Variants in FAIM2 observed in about 807,000 individuals in gnomAD.
FAIM2 encodes the protein protein lifeguard 2.
A neutral mutation model predicts 47.4 loss-of-function variants in FAIM2; 27 were observed. The ratio of observed to expected loss-of-function variants is 0.57; its 90% CI spans 0.42 to 0.78. The LOEUF (loss-of-function observed/expected upper bound fraction) is 0.78. Ranked by LOEUF, FAIM2 falls within the 30% of genes least tolerant of loss-of-function variation. The probability of loss-of-function intolerance (pLI) is 0.00; values close to 1 mark genes in which losing one functional copy is unlikely to be tolerated. For synonymous variants in FAIM2, 156 were observed against 159.3 expected, an observed-to-expected ratio of 0.98 and a Z score of 0.16; for missense variants, 311 against 389.4, an observed-to-expected ratio of 0.80 and a Z score of 1.69.
At position 49,889,559 on chromosome 12, in the gene FAIM2, G is replaced by A. The variant is rs750572780; in HGVS notation, c.573C>T (p.Asn191=). ...YLTGMLSSYY[N]TTSVLLCLGI... ...CCAGGCACAGCAGCACGGAGGTGGT[G>A]TTGTAGTAGCTGAGGACCGTCAGGC... The change falls in exon 9 of 12, where the codon AAC becomes AAT. Residue 191 remains asparagine, a synonymous_variant. Transcript: ENST00000320634. 6.8e-6 allele frequency: 11 copies of A among 1,613,916 alleles called. No individual in the cohort carries two copies. In the Admixed American group the frequency reaches 1.5e-4, roughly 22 times the overall value.
intron 11 of FAIM2, among the ~76,000 whole-genome samples, chr12:49,881,315 C>G (rs1946824247): frequency 6.6e-6 from 1 of 152,220 alleles, no homozygotes; most frequent in Non-Finnish European, 1.5e-5. Context: ...CAGTGGCTCC[C>G]AAGGTCCTCA....
intron 10 of FAIM2, 106 bp from the exon 11 acceptor site, chr12:49,887,545 C>A: frequency 2.1e-6 from 2 of 966,508 alleles, no homozygotes. Context: ...GGTAGCCCTG[C>A]CCAGAGCTCC....
chr12:49,903,055 C>G (rs1453592970), intron 1 of FAIM2: 1 of 152,220 alleles, frequency 6.6e-6, no homozygotes, highest in Non-Finnish European at 1.5e-5. Flanking sequence ...CGAGTACCCT[C>G]CCCCTTAGCC....
intron 11 of FAIM2, among the ~76,000 whole-genome samples, chr12:49,879,836 ATG>A (rs142038397): frequency 0.031 from 4,658 of 150,372 alleles, 86 homozygotes; most frequent in Middle Eastern, 0.063. Context: ...ATGTGCGTGC[ATG>A]TGTGAGTGTA....
intron 11 of FAIM2, among the ~76,000 whole-genome samples, chr12:49,872,774 C>A (rs1312203557): frequency 1.3e-5 from 2 of 152,184 alleles, no homozygotes; most frequent in African/African-American, 4.8e-5. Context: ...AGGACCTGGG[C>A]AGAGCATTTA....
rs113534663 is a variant in FAIM2, at chr12:49,870,265, G to A, written c.*239C>T. Reference sequence around the variant, plus strand: ...GGAGCCTTCAGCCTTGACCGTCCCAGTTTGGAAGATGTAACGGGCGAATGG... The same window carrying A: ...GGAGCCTTCAGCCTTGACCGTCCCAATTTGGAAGATGTAACGGGCGAATGG... On this transcript the variant is annotated 3_prime_UTR_variant, in exon 12 of 12. Transcript: ENST00000320634. 8.6e-4 allele frequency: 372 copies of A among 432,528 alleles called. 2 individuals carry two copies. The highest frequency in any genetic ancestry group is 6.3e-3 in the African/African-American group (320 of 50,566). 26.8% of individuals were successfully genotyped at this position (432,528 alleles called of 1,614,324 possible). A position where few individuals can be genotyped will look rare whatever the true frequency, so the allele number is the denominator to read the frequency against.
intron 11 of FAIM2, among the ~76,000 whole-genome samples, chr12:49,882,653 T>G (rs1190525363): frequency 6.6e-6 from 1 of 152,198 alleles, no homozygotes; most frequent in African/African-American, 2.4e-5. Flanking sequence ...CCCCTGTGAC[T>G]CACAGAAGAC....
chr12:49,889,374 T>G, intron 9 of FAIM2, 107 bp downstream of exon 9: 1 of 1,117,484 alleles, frequency 8.9e-7, no homozygotes, highest in Non-Finnish European at 1.3e-6. Context: ...TCACCCCCTT[T>G]ACTTCTCTCC....
chr12:49,902,989 G>A (rs950295338), intron 1 of FAIM2: 2 of 152,116 alleles, frequency 1.3e-5, no homozygotes, highest in African/African-American at 2.4e-5. Flanking sequence ...GGGAGTGTAG[G>A]GGAGGTCCTT....
At position 49,903,865 on chromosome 12, in the gene FAIM2, C is replaced by T. The variant is rs1946998257; in HGVS notation, c.-73G>A. ...GGGTAACCGCAGCCTGCCTGCGTCT[C>T]TTCCTTCCTCCGCGTGGGTTCTAGC... On this transcript the variant is annotated 5_prime_UTR_variant, in exon 1 of 12. Coordinates refer to ENST00000320634, the MANE Select transcript of FAIM2 (RefSeq NM_012306.4). The T allele has an allele frequency of 7.0e-7, 1 of 1,438,348 alleles. No homozygotes were observed. The highest frequency in any genetic ancestry group is 9.3e-7 in the Non-Finnish European group (1 of 1,075,748). 89.1% of individuals were successfully genotyped at this position (1,438,348 alleles called of 1,614,324 possible).
At chr12:49,903,694 C>T (rs1029382266) in intron 1 of FAIM2, 84 bp downstream of exon 1, 66 of 1,514,428 alleles carry the variant, frequency 4.4e-5, no homozygotes, top group Non-Finnish European at 5.1e-5. Flanking sequence ...AGGATGCTTT[C>T]GTGGTCCAGA....
At chr12:49,871,841 T>C (rs1348156265) in intron 11 of FAIM2, among the ~76,000 whole-genome samples, 7 of 152,114 alleles carry the variant, frequency 4.6e-5, no homozygotes, top group Non-Finnish European at 8.8e-5. Context: ...TAATTTTGTA[T>C]TTTTAGCAGA....
At chr12:49,878,608 G>GTGCA (rs1430636651) in intron 11 of FAIM2, among the ~76,000 whole-genome samples, 2 of 136,390 alleles carry the variant, frequency 1.5e-5, no homozygotes, top group South Asian at 2.5e-4. Context: ...ATGTGTGCAT[G>GTGCA]TGTATGTGTG....
intron 11 of FAIM2, among the ~76,000 whole-genome samples, chr12:49,880,170 GTGTGTGTATGCA>G (rs1946801022): frequency 6.9e-6 from 1 of 144,390 alleles, no homozygotes; most frequent in Admixed American, 6.9e-5. Context: ...ATGTGTGTAT[GTGTGTGTATGCA>G]TGTGTGTATA....
At chr12:49,897,143 G>T in intron 4 of FAIM2, 59 bp from the exon 5 acceptor site, 2 of 1,340,888 alleles carry the variant, frequency 1.5e-6, no homozygotes, top group Non-Finnish European at 1.1e-6. Context: ...TCCATTTCTG[G>T]TTCAGCATCT....
rs1946979757 is a variant in FAIM2 at position 49,901,233 on chromosome 12, G to T, written c.108C>A (p.Pro36=). The T allele has an allele frequency of 3.1e-6, 5 of 1,611,620 alleles. No homozygotes were observed. The highest frequency in any genetic ancestry group is 1.1e-5 in the South Asian group (1 of 90,788). ...CCCCAGAGGTGGCTTCCTCATAGGA[G>T]GGTGGGGCTGAGGGCACTGCTGGAG... The part of the protein sequence containing the change: ...KEAPAVPSAP[P]SYEEATSGEG... Residue 36 remains proline (P), a synonymous_variant, in exon 2 of 12, where the codon CCC becomes CCA. Transcript: ENST00000320634.
intron 1 of FAIM2, chr12:49,902,736 T>C (rs1362589466): frequency 2.0e-5 from 3 of 151,046 alleles, no homozygotes; most frequent in Non-Finnish European, 4.4e-5. Context: ...TGAAGGATCA[T>C]GTCCACCTAA....
intron 4 of FAIM2, among the ~76,000 whole-genome samples, 161 bp from the exon 5 acceptor site, chr12:49,897,245 C>G (rs1239979533): frequency 6.6e-6 from 1 of 152,210 alleles, no homozygotes; most frequent in Non-Finnish European, 1.5e-5. Context: ...CAGTCCCCGG[C>G]TGGGACCTGC....
At chr12:49,895,288 T>G (rs1454257298) in intron 5 of FAIM2, among the ~76,000 whole-genome samples, 1 of 151,978 alleles carries the variant, frequency 6.6e-6, no homozygotes, top group Non-Finnish European at 1.5e-5. Flanking sequence ...GATCTCACCA[T>G]TCAGAGGTCA....
Sources: gnomAD v4.1 joint callset for allele counts (sites outside exome capture counted in the v4.1 genomes callset) on GRCh38, gnomAD v4.1.1 for gene constraint, MANE v1.5 for transcripts, NCBI Gene and HGNC (gene_info 2026-07-23, HGNC 2026-07-21) for gene names.